Variants in NRDC observed in about 807,000 individuals in gnomAD.
NRDC encodes nardilysin.
Under a neutral mutation model 147.1 loss-of-function variants are expected in NRDC, and 54 were observed. The observed-to-expected ratio is 0.37, with a 90% CI of 0.29 to 0.46. The LOEUF (loss-of-function observed/expected upper bound fraction) is 0.46, where lower values mean the gene tolerates loss of function less well. NRDC is among the 20% of genes least tolerant of loss of function. The pLI is 1.00. For missense variants in NRDC, 1,082 were observed against 1,370.6 expected (o/e 0.79, Z 3.33); for synonymous variants, 440 against 482.1 (o/e 0.91, Z 1.14).
chr1:51,805,502 T>C lies in NRDC; in HGVS notation c.2162+8A>G, dbSNP rs1679421484. 1 of 1,571,384 alleles carries C rather than the reference T, an allele frequency of 6.4e-7. No individual in the cohort carries two copies. The highest frequency in any genetic ancestry group is 8.6e-7 in the Non-Finnish European group (1 of 1,162,824). On this transcript the variant is annotated splice_region_variant and intron_variant, in intron 19 of 30. Coordinates refer to ENST00000352171, the MANE Select transcript of NRDC (RefSeq NM_001101662.2). Reference sequence around the variant, plus strand: ...ATGTATTTTCCAGAAAAAAAGACAATTGCTTACTTTGCTGCAGATTTCTGT... The same window carrying C: ...ATGTATTTTCCAGAAAAAAAGACAACTGCTTACTTTGCTGCAGATTTCTGT...
chr1:51,802,952 A>T (rs1386104248), intron 20 of NRDC, among the ~76,000 whole-genome samples: 1 of 152,174 alleles, frequency 6.6e-6, no homozygotes, highest in Non-Finnish European at 1.5e-5. Context: ...CTTAGCTAAC[A>T]ACCCATTATT....
chr1:51,835,048 CAT>C (rs559604701), intron 3 of NRDC, among the ~76,000 whole-genome samples: 24 of 152,004 alleles, frequency 1.6e-4, no homozygotes, highest in Non-Finnish European at 3.2e-4. Context: ...ATAACATCCA[CAT>C]AGAGTTTTTT....
chr1:51,813,433 G>A (rs968174931), intron 14 of NRDC, among the ~76,000 whole-genome samples: 1 of 152,054 alleles, frequency 6.6e-6, no homozygotes, highest in Non-Finnish European at 1.5e-5. Context: ...GTGAGTAAAC[G>A]ACAGGCAGAG....
intron 1 of NRDC, among the ~76,000 whole-genome samples, chr1:51,855,510 G>A (rs1484834857): frequency 6.6e-6 from 1 of 151,566 alleles, no homozygotes; most frequent in Admixed American, 6.6e-5. Context: ...AATGAAAAGA[G>A]TTCACTGTAT....
chr1:51,840,417 C>T lies in NRDC; in HGVS notation c.439G>A (p.Glu147Lys), dbSNP rs1286456009. Residue 147 changes from glutamate (E) to lysine (K), a missense_variant, in exon 2 of 31, where the codon GAG (glutamate) becomes AAG (lysine). Glu to Lys is a moderately conservative substitution (Grantham distance 56). Around this residue, in one of 3 missense-constraint regions of NRDC, gnomAD observed 260 missense variants for 253.2 expected, o/e 1.03. Coordinates refer to ENST00000352171, the MANE Select transcript of NRDC (RefSeq NM_001101662.2). Reference protein sequence around the residue: ...TGNTTDDEEEEEVEEEEEDDD... With the variant: ...TGNTTDDEEEKEVEEEEEDDD... Reference sequence around the variant, plus strand: ...TCTTCTTCTTCTTCCTCCACCTCCTCTTCTTCTTCATCATCTGTTGTATTT... The same window carrying T: ...TCTTCTTCTTCTTCCTCCACCTCCTTTTCTTCTTCATCATCTGTTGTATTT... The T allele has an allele frequency of 2.5e-6, 4 of 1,599,646 alleles. No individual in the cohort carries two copies. The highest frequency in any genetic ancestry group is 3.4e-6 in the Non-Finnish European group (4 of 1,167,234).
intron 18 of NRDC, 106 bp from the exon 19 acceptor site, chr1:51,805,667 A>G: frequency 1.5e-6 from 1 of 660,764 alleles, no homozygotes; most frequent in Admixed American, 3.4e-5. Flanking sequence ...GAAGTAAACT[A>G]CTAATCCTTA....
At chr1:51,807,005 T>C (rs2149197640) in intron 17 of NRDC, 92 bp from the exon 18 acceptor site, 3 of 1,482,198 alleles carry the variant, frequency 2.0e-6, no homozygotes, top group Non-Finnish European at 2.7e-6. Context: ...GTAACTTTTC[T>C]CTGTGGCAAA....
intron 14 of NRDC, among the ~76,000 whole-genome samples, chr1:51,812,592 C>G (rs1396752392): frequency 6.6e-6 from 1 of 151,930 alleles, no homozygotes; most frequent in East Asian, 1.9e-4. Flanking sequence ...AAACTCATAC[C>G]CTTCATGCAT....
chr1:51,811,779 CT>C, intron 15 of NRDC, among the ~76,000 whole-genome samples: 1 of 152,140 alleles, frequency 6.6e-6, no homozygotes, highest in South Asian at 2.1e-4. Context: ...CTAACAAGTA[CT>C]GAGTTTGATT....
rs1678798604 is a variant in NRDC, at chr1:51,794,550, C to T, written c.2697G>A (p.Leu899=). ...EMPVQFQVVE[L]PSGHHLCKVK... ...CTTTGCATAGATGGTGGCCACTGGG[C>T]AGCTCTACCACCTGGAACTGCACAG... The change falls in exon 24 of 31, where the codon CTG becomes CTA. Residue 899 remains leucine (L), a synonymous_variant. Transcript: ENST00000352171. The T allele has an allele frequency of 6.2e-7, 1 of 1,614,182 alleles. No individual in the cohort carries two copies. The highest frequency in any genetic ancestry group is 1.3e-5 in the African/African-American group (1 of 75,058).
chr1:51,814,479 G>C lies in NRDC; in HGVS notation c.1619+72C>G, dbSNP rs1482291983. The C allele has an allele frequency of 5.6e-6, 8 of 1,441,256 alleles. No individual in the cohort carries two copies. In the East Asian group the frequency reaches 1.8e-4, roughly 33 times the overall value. The allele number at this position is 1,441,256 out of a possible 1,614,324, so 89.3% of individuals were successfully genotyped here. ...AACCATCAAGGCAAGACTAAAGCAT[G>C]TCTACCGGCAGCCTGAAGCCTCAAA... On this transcript the variant is annotated intron_variant, in intron 13 of 30. Transcript: ENST00000352171.
At chr1:51,832,316 G>A (rs896354899) in intron 4 of NRDC, among the ~76,000 whole-genome samples, 3 of 151,882 alleles carry the variant, frequency 2.0e-5, no homozygotes, top group African/African-American at 4.8e-5. Flanking sequence ...CAAAGTGTTG[G>A]GATTACAGGT....
intron 27 of NRDC, 41 bp downstream of exon 27, chr1:51,791,537 T>C (rs2149183778): frequency 6.7e-7 from 1 of 1,493,794 alleles, no homozygotes; most frequent in Non-Finnish European, 9.3e-7. Context: ...ACTCTCCATG[T>C]CCATAATAGG....
At chr1:51,806,722 C>G in intron 18 of NRDC, 72 bp downstream of exon 18, 1 of 1,457,778 alleles carries the variant, frequency 6.9e-7, no homozygotes, top group Non-Finnish European at 9.4e-7. Flanking sequence ...AGTAGATAAT[C>G]ACATGTGAAA....
chr1:51,878,245 C>G (rs374873251), intron 1 of NRDC, 30 bp downstream of exon 1: 1 of 1,584,680 alleles, frequency 6.3e-7, no homozygotes, highest in African/African-American at 1.3e-5. Context: ...GCACACTGTT[C>G]GCCTCCCCAT....
intron 1 of NRDC, among the ~76,000 whole-genome samples, chr1:51,855,561 T>G (rs538684495): frequency 1.2e-4 from 18 of 151,778 alleles, no homozygotes; most frequent in African/African-American, 4.3e-4. Flanking sequence ...ATAAACAAAA[T>G]CAAACAGCAA....
intron 18 of NRDC, 83 bp downstream of exon 18, chr1:51,806,710 CA>C (rs1315993301): frequency 1.4e-6 from 2 of 1,394,922 alleles, no homozygotes; most frequent in African/African-American, 2.9e-5. Context: ...ATCAAAATAG[CA>C]AGTAGATAAT....
intron 11 of NRDC, among the ~76,000 whole-genome samples, chr1:51,815,659 A>G (rs990960913): frequency 2.0e-5 from 3 of 151,828 alleles, no homozygotes; most frequent in Non-Finnish European, 2.9e-5. Flanking sequence ...TTTTCTTTGA[A>G]TGTTCTAGTA....
intron 1 of NRDC, among the ~76,000 whole-genome samples, chr1:51,875,418 T>TTGAAA (rs1683275137): frequency 6.6e-6 from 1 of 152,214 alleles, no homozygotes; most frequent in South Asian, 2.1e-4. Flanking sequence ...AACGCAACAA[T>TTGAAA]TTTCAAAGAA....
Sources: gnomAD v4.1 joint callset for allele counts (sites outside exome capture counted in the v4.1 genomes callset) on GRCh38, gnomAD v4.1.1 for gene constraint, gnomAD v4.1.1 regional missense constraint, MANE v1.5 for transcripts, NCBI Gene and HGNC (gene_info 2026-07-23, HGNC 2026-07-21) for gene names.